HLA-DOA: variants seen among roughly 807,000 people sequenced by gnomAD.
HLA-DOA encodes major histocompatibility complex, class II, DO alpha.
In HLA-DOA, 27 loss-of-function variants were observed where a neutral mutation model predicts 22.9. That is an observed-to-expected ratio of 1.18 (90% confidence interval 0.87 to 1.62). The LOEUF (loss-of-function observed/expected upper bound fraction) is 1.62. HLA-DOA is among the 40% of genes most tolerant of loss of function. The pLI is 0.00. For missense variants in HLA-DOA, 324 were observed against 332.4 expected, an observed-to-expected ratio of 0.97 and a Z score of 0.20; for synonymous variants, 137 against 138.6, an observed-to-expected ratio of 0.99 and a Z score of 0.08.
In HLA-DOA at chr6:33,007,120, C is replaced by T. The variant is rs114742371; in HGVS notation, c.709G>A (p.Val237Ile). 878 of 1,613,738 alleles carry T rather than the reference C, an allele frequency of 5.4e-4. 5 individuals are homozygous for T. The African/African-American group carries it at 0.011, about 20-fold the overall frequency. Residue 237 changes from valine (V) to isoleucine (I), a missense_variant, in exon 4 of 5, where the codon GTC (valine) becomes ATC (isoleucine). Transcript: ENST00000229829. ...IGLVGFLVGT[V>I]LIIMGTYVSS... ...ACATATGTGCCCATGATGATGAGGACGGTGCCCACGAGGAAGCCCACCAGG... is the reference window on the plus strand; with the variant it reads ...ACATATGTGCCCATGATGATGAGGATGGTGCCCACGAGGAAGCCCACCAGG...
At position 33,009,466 on chromosome 6, in the gene HLA-DOA, C is replaced by A. The variant is rs1412192242; in HGVS notation, c.71G>T (p.Gly24Val). 6.2e-7 allele frequency: 1 copy of A among 1,601,604 alleles called. No individual in the cohort carries two copies. Among genetic ancestry groups the A allele is most frequent in the Non-Finnish European group, 8.5e-7 (1 of 1,176,094 alleles). Residue 24 changes from glycine (G) to valine (V), a missense_variant, in exon 1 of 5, where the codon GGG (glycine) becomes GTG (valine). Physicochemically the swap from Gly to Val is moderately radical, Grantham distance 109. Transcript: ENST00000229829. The surrounding 1 kb of genome is among the most constrained non-coding windows in gnomAD (Gnocchi z 4.8). Reference sequence around the variant, plus strand: ...GCCCTCGCACTCACCCTTGGTGGCCCCTGCCTCCTGCGGGCTCAGGAGGGT... The same window carrying A: ...GCCCTCGCACTCACCCTTGGTGGCCACTGCCTCCTGCGGGCTCAGGAGGGT... ...LMTLLSPQEA[G>V]ATKADHMGSY...
Position 33,009,466 on chromosome 6 carries a change from C to T in HLA-DOA, c.71G>A (p.Gly24Glu). 1 of 1,601,604 alleles carries T rather than the reference C, an allele frequency of 6.2e-7. No individual in the cohort carries two copies. The highest frequency in any genetic ancestry group is 1.1e-5 in the South Asian group (1 of 89,044). Reference sequence around the variant, plus strand: ...GCCCTCGCACTCACCCTTGGTGGCCCCTGCCTCCTGCGGGCTCAGGAGGGT... The same window carrying T: ...GCCCTCGCACTCACCCTTGGTGGCCTCTGCCTCCTGCGGGCTCAGGAGGGT... ...LMTLLSPQEA[G>E]ATKADHMGSY... The change falls in exon 1 of 5, where the codon GGG becomes GAG. Residue 24 changes from glycine to glutamate, a missense_variant. Physicochemically the swap from Gly to Glu is moderately conservative, Grantham distance 98. Coordinates refer to ENST00000229829, the MANE Select transcript of HLA-DOA (RefSeq NM_002119.4). The surrounding 1 kb of genome is among the most constrained non-coding windows in gnomAD (Gnocchi z 4.8).
In HLA-DOA at chr6:33,008,245, G is replaced by A. The variant is rs41545714; in HGVS notation, c.99C>T (p.Ser33=). The change falls in exon 2 of 5, where the codon TCC becomes TCT. Residue 33 remains serine, a synonymous_variant. Coordinates refer to ENST00000229829, the MANE Select transcript of HLA-DOA (RefSeq NM_002119.4). ...AAGACTGGTAGAAGGCGGGTCCGTAGGAGCCCATGTGGTCAGCTGTGTTTG... is the reference window on the plus strand; with the variant it reads ...AAGACTGGTAGAAGGCGGGTCCGTAAGAGCCCATGTGGTCAGCTGTGTTTG... The part of the protein sequence containing the change: ...AGATKADHMG[S]YGPAFYQSYG... 8 of 1,612,844 alleles carry A rather than the reference G, an allele frequency of 5.0e-6. No homozygotes were observed. The highest frequency in any genetic ancestry group is 5.9e-6 in the Non-Finnish European group (7 of 1,180,024).
chr6:33,007,106 CATG>C lies in HLA-DOA; in HGVS notation c.720_722del (p.Ile240del). 1 of 1,613,604 alleles carries C rather than the reference CATG, an allele frequency of 6.2e-7. No individual in the cohort carries two copies. Among genetic ancestry groups the C allele is most frequent in the Non-Finnish European group, 8.5e-7 (1 of 1,179,866 alleles). ...TGGGGACACTGGACACATATGTGCCCATGATGATGAGGACGGTGCCCACGAGGA... is the reference window on the plus strand; with the variant it reads ...TGGGGACACTGGACACATATGTGCCCATGATGAGGACGGTGCCCACGAGGA... On this transcript the variant is annotated inframe_deletion, in exon 4 of 5. Transcript: ENST00000229829.
Position 33,007,351 on chromosome 6 carries a change from C to A in HLA-DOA, c.573G>T (p.Val191=), listed in dbSNP as rs771722938. The A allele has an allele frequency of 4.3e-6, 7 of 1,610,436 alleles. No individual in the cohort carries two copies. The change falls in exon 3 of 5, where the codon GTG becomes GTT. Residue 191 remains valine (V), a synonymous_variant. Coordinates refer to ENST00000229829, the MANE Select transcript of HLA-DOA (RefSeq NM_002119.4). ...GTGGCGCATCCAGGCCCCAGTGCTCCACCTGGCAGTCATAGACGTCCTCGG... is the reference window on the plus strand; with the variant it reads ...GTGGCGCATCCAGGCCCCAGTGCTCAACCTGGCAGTCATAGACGTCCTCGG... The part of the protein sequence containing the change: ...PSAEDVYDCQ[V]EHWGLDAPLL...
rs1428750165 is a variant in HLA-DOA at position 33,007,123 on chromosome 6, TGCCCACGAGGAA to T, written c.694_705del (p.Phe232_Gly235del). The T allele has an allele frequency of 6.2e-7, 1 of 1,613,836 alleles. No homozygotes were observed. Among genetic ancestry groups the T allele is most frequent in the East Asian group, 2.2e-5 (1 of 44,878 alleles). ...TATGTGCCCATGATGATGAGGACGG[TGCCCACGAGGAA>T]GCCCACCAGGCCGATGGCCAGGCCC... On this transcript the variant is annotated inframe_deletion, in exon 4 of 5. Transcript: ENST00000229829.
intron 2 of HLA-DOA, 131 bp from the exon 3 acceptor site, chr6:33,007,723 A>C: frequency 1.8e-6 from 2 of 1,082,876 alleles, no homozygotes; most frequent in East Asian, 5.1e-5. Context: ...CCACTGGGGC[A>C]GGAGAGGAGG....
chr6:33,008,264 G>T lies in HLA-DOA; in HGVS notation c.83-3C>A. On this transcript the variant is annotated splice_region_variant and splice_polypyrimidine_tract_variant and intron_variant, in intron 1 of 4. Coordinates refer to ENST00000229829, the MANE Select transcript of HLA-DOA (RefSeq NM_002119.4). ...TCCGTAGGAGCCCATGTGGTCAGCT[G>T]TGTTTGGCGAGTTCAGGGTCAAGGA... 1 of 1,612,262 alleles carries T rather than the reference G, an allele frequency of 6.2e-7. No individual in the cohort carries two copies. The highest frequency in any genetic ancestry group is 1.1e-5 in the South Asian group (1 of 91,002).
chr6:33,009,164 G>C lies in HLA-DOA; in HGVS notation c.82+291C>G, dbSNP rs1228153887. On this transcript the variant is annotated intron_variant, in intron 1 of 4. Coordinates refer to ENST00000229829, the MANE Select transcript of HLA-DOA (RefSeq NM_002119.4). This position sits in a 1 kb window ranked among gnomAD's most constrained non-coding sequence, Gnocchi z 4.8. ...GGGTGGTAGAGAAATCAGGGTGCTTGCTGGCATCTGTTGGGTGGAGGTTTG... is the reference window on the plus strand; with the variant it reads ...GGGTGGTAGAGAAATCAGGGTGCTTCCTGGCATCTGTTGGGTGGAGGTTTG... 6.6e-6 allele frequency among the ~76,000 whole-genome samples: 1 copy of C among 152,162 alleles called. No individual in the cohort carries two copies. Among genetic ancestry groups the C allele is most frequent in the African/African-American group, 2.4e-5 (1 of 41,430 alleles).
Position 33,009,556 on chromosome 6 carries a change from CA to C in HLA-DOA, c.-21del. The C allele has an allele frequency of 6.4e-7, 1 of 1,572,450 alleles. No homozygotes were observed. Reference sequence around the variant, plus strand: ...GGCCATTACACTCTGGTGCTTTAATCAAATCAGTCTCAGTCCGTGTGGTGAG... The same window carrying C: ...GGCCATTACACTCTGGTGCTTTAATCAATCAGTCTCAGTCCGTGTGGTGAG... On this transcript the variant is annotated 5_prime_UTR_variant, in exon 1 of 5. Transcript: ENST00000229829. The surrounding 1 kb of genome is among the most constrained non-coding windows in gnomAD (Gnocchi z 4.8).
Position 33,007,495 on chromosome 6 carries a change from G to T in HLA-DOA, c.429C>A (p.Ile143=). ...CIVDNIFPPV[I]NITWLRNGQT... is the part of the protein sequence containing the mutation. Reference sequence around the variant, plus strand: ...GGCCGTTGCGCAGCCAGGTGATATTGATCACAGGGGGGAAGATGTTGTCCA... The same window carrying T: ...GGCCGTTGCGCAGCCAGGTGATATTTATCACAGGGGGGAAGATGTTGTCCA... The change falls in exon 3 of 5, where the codon ATC becomes ATA. Residue 143 remains isoleucine, a synonymous_variant. Coordinates refer to ENST00000229829, the MANE Select transcript of HLA-DOA (RefSeq NM_002119.4). 6.2e-7 allele frequency: 1 copy of T among 1,612,962 alleles called. No individual in the cohort carries two copies. Among genetic ancestry groups the T allele is most frequent in the Non-Finnish European group, 8.5e-7 (1 of 1,179,964 alleles).
intron 1 of HLA-DOA, chr6:33,008,512 G>A: frequency 5.9e-6 from 6 of 1,019,672 alleles, no homozygotes; most frequent in Non-Finnish European, 6.5e-6. Context: ...GAAGAGGAGG[G>A]ACTGCCTAAA....
At position 33,009,475 on chromosome 6, in the gene HLA-DOA, T is replaced by C. The variant is rs1780973248; in HGVS notation, c.62A>G (p.Gln21Arg). Residue 21 changes from glutamine to arginine, a missense_variant, in exon 1 of 5, where the codon CAG (glutamine) becomes CGG (arginine). Coordinates refer to ENST00000229829, the MANE Select transcript of HLA-DOA (RefSeq NM_002119.4). This position sits in a 1 kb window ranked among gnomAD's most constrained non-coding sequence, Gnocchi z 4.8. ...FHTLMTLLSP[Q>R]EAGATKADHM... is the part of the protein sequence containing the mutation. The stretch of plus-strand genomic sequence containing the variant: ...CTCACCCTTGGTGGCCCCTGCCTCC[T>C]GCGGGCTCAGGAGGGTCATCAGGGT... 1 of 1,604,340 alleles carries C rather than the reference T, an allele frequency of 6.2e-7. No individual in the cohort carries two copies. The highest frequency in any genetic ancestry group is 1.1e-5 in the South Asian group (1 of 89,408).
intron 2 of HLA-DOA, 92 bp downstream of exon 2, chr6:33,007,921 A>C: frequency 2.1e-6 from 3 of 1,456,118 alleles, no homozygotes; most frequent in Non-Finnish European, 2.8e-6. Context: ...GGGCGCTGAG[A>C]GCGCGCCCCA....
In HLA-DOA at chr6:33,004,591, G is replaced by A. The variant is rs1780737691; in HGVS notation, c.*2247C>T. ...GAGCTGTCGGGTGGACATGTTCACT[G>A]AGAAGGACAGTCAGTCCACAGAGAG... On this transcript the variant is annotated 3_prime_UTR_variant, in exon 5 of 5. Transcript: ENST00000229829. The A allele has an allele frequency of 6.6e-6, 1 of 152,208 alleles. No homozygotes were observed. The allele number at this position is 152,208 out of a possible 1,614,324, so 9.4% of individuals were successfully genotyped here.
chr6:33,007,343 C>T lies in HLA-DOA; in HGVS notation c.581G>A (p.Trp194Ter), dbSNP rs773877974. 1 of 1,611,342 alleles carries T rather than the reference C, an allele frequency of 6.2e-7. No homozygotes were observed. Among genetic ancestry groups the T allele is most frequent in the Admixed American group, 1.7e-5 (1 of 59,936 alleles). ...EDVYDCQVEH[W>*]GLDAPLLRHW... ...CCTGAGGAGTGGCGCATCCAGGCCCCAGTGCTCCACCTGGCAGTCATAGAC... is the reference window on the plus strand; with the variant it reads ...CCTGAGGAGTGGCGCATCCAGGCCCTAGTGCTCCACCTGGCAGTCATAGAC... The change falls in exon 3 of 5, where the codon TGG (tryptophan) becomes TAG (stop). Residue 194 changes from tryptophan (W) to a stop codon, truncating the protein, a stop_gained. Coordinates refer to ENST00000229829, the MANE Select transcript of HLA-DOA (RefSeq NM_002119.4). LOFTEE classifies it high-confidence loss of function.
Position 33,007,191 on chromosome 6 carries a change from G to A in HLA-DOA, c.638C>T (p.Pro213Leu), listed in dbSNP as rs1223244743. The A allele has an allele frequency of 4.3e-6, 7 of 1,613,740 alleles. No individual in the cohort carries two copies. The highest frequency in any genetic ancestry group is 5.9e-6 in the Non-Finnish European group (7 of 1,180,030). The change falls in exon 4 of 5, where the codon CCA becomes CTA. Residue 213 changes from proline to leucine, a missense_variant. By Grantham distance (98) the Pro-to-Leu change is moderately conservative (BLOSUM62 -3). Transcript: ENST00000229829. ...ACAGACCAGGGTCTCCATGGCATCT[G>A]GTGGTGGAATAGGCACCTGGAGCTC... ...HWELQVPIPPPDAMETLVCAL... is the reference protein window; with the variant it reads ...HWELQVPIPPLDAMETLVCAL...
intron 4 of HLA-DOA, 27 bp downstream of exon 4, chr6:33,007,052 AC>A: frequency 1.9e-6 from 3 of 1,588,384 alleles, no homozygotes; most frequent in East Asian, 2.2e-5. Context: ...TTCCTCCCCC[AC>A]CCCCCAGACT....
Position 33,006,616 on chromosome 6 carries a change from ATG to A in HLA-DOA, c.*220_*221del, listed in dbSNP as rs1026498777. On this transcript the variant is annotated 3_prime_UTR_variant, in exon 5 of 5. Coordinates refer to ENST00000229829, the MANE Select transcript of HLA-DOA (RefSeq NM_002119.4). ...AGCCAGAGCTTTGGGTAGAGCAAGA[ATG>A]TGTGTGTGTGTTGAATGGGAAGGGA... 56 of 659,168 alleles carry A rather than the reference ATG, an allele frequency of 8.5e-5. No homozygotes were observed. The highest frequency in any genetic ancestry group is 2.0e-4 in the Admixed American group (9 of 44,286). The allele number at this position is 659,168 out of a possible 1,614,324, so 40.8% of individuals were successfully genotyped here. A position where few individuals can be genotyped will look rare whatever the true frequency, so the allele number is the denominator to read the frequency against.
Sources: allele counts gnomAD v4.1 joint callset (sites outside exome capture counted in the v4.1 genomes callset), GRCh38; gene constraint gnomAD v4.1.1; non-coding constraint Gnocchi (gnomAD v3.1); transcripts MANE v1.5; gene names NCBI Gene and HGNC (gene_info 2026-07-23, HGNC 2026-07-21).